SMG6: variants seen among roughly 807,000 people sequenced by gnomAD.
SMG6 encodes the protein SMG6 nonsense mediated mRNA decay factor, also known as telomerase-binding protein EST1A.
In SMG6, 66 loss-of-function variants were observed where a neutral mutation model predicts 142.2. The ratio of observed to expected loss-of-function variants is 0.46; its 90% CI spans 0.38 to 0.57. SMG6 has a LOEUF of 0.57. SMG6 is among the 20% of genes least tolerant of loss of function. SMG6 has a pLI of 0.00. For missense variants in SMG6, 1,793 were observed against 1,832.0 expected, an observed-to-expected ratio of 0.98 and a Z score of 0.39; for synonymous variants, 779 against 702.4, an observed-to-expected ratio of 1.11 and a Z score of -1.72.
At chr17:2,277,169 TTTA>T (rs1396329358) in intron 8 of SMG6, among the ~76,000 whole-genome samples, 5,186 of 52,918 alleles carry the variant, frequency 0.098, 275 homozygotes, top group Admixed American at 0.16. Flanking sequence ...TTATTTATTT[TTTA>T]TTTTTTTTTT....
intron 14 of SMG6, among the ~76,000 whole-genome samples, chr17:2,083,839 A>G (rs909323918): frequency 8.5e-5 from 13 of 152,204 alleles, no homozygotes; most frequent in Admixed American, 8.5e-4. Flanking sequence ...CTCTCACAGT[A>G]AACGAGGAAG....
In SMG6 at chr17:2,061,374, T is replaced by G; in HGVS notation, c.*118A>C. ...GGCCGTGGCGTGGGTTGGAAGAGGA[T>G]GGTTTATTGTCTGGGTGGATTGGTG... On this transcript the variant is annotated 3_prime_UTR_variant, in exon 19 of 19. Coordinates refer to ENST00000263073, the MANE Select transcript of SMG6 (RefSeq NM_017575.5). 17 of 972,082 alleles carry G rather than the reference T, an allele frequency of 1.7e-5. No homozygotes were observed. The highest frequency in any genetic ancestry group is 2.8e-5 in the East Asian group (1 of 36,154). 60.2% of individuals were successfully genotyped at this position (972,082 alleles called of 1,614,324 possible).
chr17:2,065,259 C>G (rs999724326), intron 17 of SMG6, 105 bp from the exon 18 acceptor site: 1 of 1,065,084 alleles, frequency 9.4e-7, no homozygotes, highest in Non-Finnish European at 1.4e-6. Context: ...GGCCACCTCC[C>G]CGATCCCTCC....
In SMG6 at chr17:2,130,266, C is replaced by CAAAAAAAAA. The variant is rs903007543; in HGVS notation, c.3357+42383_3357+42391dup. 2.8e-3 allele frequency among the ~76,000 whole-genome samples: 112 copies of CAAAAAAAAA among 39,458 alleles called. 23 individuals carry two copies. Among genetic ancestry groups the CAAAAAAAAA allele is most frequent in the African/African-American group, 8.9e-3 (57 of 6,378 alleles). The allele number at this position is 39,458 out of a possible 152,430, so 25.9% of individuals were successfully genotyped here. A position where few individuals can be genotyped will look rare whatever the true frequency, so the allele number is the denominator to read the frequency against. ...TGGGCGACAGAGCGAGACTCCGTCTCAAAAAAAAAAAAAAAAAAGAAACAG... is the reference window on the plus strand; with the variant it reads ...TGGGCGACAGAGCGAGACTCCGTCTCAAAAAAAAAAAAAAAAAAAAAAAAAAAGAAACAG... On this transcript the variant is annotated intron_variant, in intron 13 of 18. Coordinates refer to ENST00000263073, the MANE Select transcript of SMG6 (RefSeq NM_017575.5).
At chr17:2,119,614 C>T (rs1183226088) in intron 13 of SMG6, among the ~76,000 whole-genome samples, 1 of 152,136 alleles carries the variant, frequency 6.6e-6, no homozygotes, top group Non-Finnish European at 1.5e-5. Flanking sequence ...ATTCTTGTGC[C>T]TCAGCCTCCT....
rs542179908 is a variant in SMG6, at chr17:2,140,124, G to C, written c.3357+32534C>G. On this transcript the variant is annotated intron_variant, in intron 13 of 18. Coordinates refer to ENST00000263073, the MANE Select transcript of SMG6 (RefSeq NM_017575.5). ...GTCACCCATGCTGGAGTGCAGTAGTGAGACCTCGGCTCACTGCAACCTCCG... is the reference window on the plus strand; with the variant it reads ...GTCACCCATGCTGGAGTGCAGTAGTCAGACCTCGGCTCACTGCAACCTCCG... Among the ~76,000 whole-genome samples, 173 of 152,024 alleles carry C rather than the reference G, an allele frequency of 1.1e-3. 2 individuals carry two copies. Among genetic ancestry groups the C allele is most frequent in the African/African-American group, 4.1e-3 (169 of 41,472 alleles).
At chr17:2,213,409 C>T (rs1310458650) in intron 10 of SMG6, among the ~76,000 whole-genome samples, 1 of 152,196 alleles carries the variant, frequency 6.6e-6, no homozygotes, top group Non-Finnish European at 1.5e-5. Flanking sequence ...TCCACCCGGC[C>T]TCTCAGCGCT....
chr17:2,278,631 T>C (rs2151374087), intron 8 of SMG6, among the ~76,000 whole-genome samples: 1 of 152,294 alleles, frequency 6.6e-6, no homozygotes, highest in Non-Finnish European at 1.5e-5. Context: ...CGAGTGATCA[T>C]TATAGAAATC....
intron 12 of SMG6, among the ~76,000 whole-genome samples, chr17:2,177,916 T>C (rs1431524417): frequency 6.6e-6 from 1 of 152,206 alleles, no homozygotes; most frequent in Non-Finnish European, 1.5e-5. Flanking sequence ...CTGTGGGCCA[T>C]TATATCCTAG....
intron 13 of SMG6, among the ~76,000 whole-genome samples, chr17:2,108,169 A>G (rs1338022945): frequency 1.3e-5 from 2 of 152,208 alleles, no homozygotes; most frequent in East Asian, 3.8e-4. Context: ...ATTTGCATGA[A>G]TTACAGAAAA....
At chr17:2,273,186 A>G (rs1013946561) in intron 8 of SMG6, among the ~76,000 whole-genome samples, 1 of 152,200 alleles carries the variant, frequency 6.6e-6, no homozygotes, top group African/African-American at 2.4e-5. Flanking sequence ...TATATATTAA[A>G]TAAGGTGTCT....
intron 13 of SMG6, among the ~76,000 whole-genome samples, chr17:2,105,106 T>G (rs1597390648): frequency 7.0e-6 from 1 of 143,470 alleles, no homozygotes; most frequent in Non-Finnish European, 1.5e-5. Flanking sequence ...TTTTTTTTTT[T>G]TGTAGAGATG....
chr17:2,081,829 C>CGCT lies in SMG6; in HGVS notation c.3659_3661dup (p.Gln1220dup). The CGCT allele has an allele frequency of 6.2e-7, 1 of 1,613,720 alleles. No individual in the cohort carries two copies. ...CTTCACCTGGATCTTTTCCTGGCGACGCTGCTGCTCAGCTATCTTCCTGGC... is the reference window on the plus strand; with the variant it reads ...CTTCACCTGGATCTTTTCCTGGCGACGCTGCTGCTGCTCAGCTATCTTCCTGGC... On this transcript the variant is annotated inframe_insertion, in exon 15 of 19. Coordinates refer to ENST00000263073, the MANE Select transcript of SMG6 (RefSeq NM_017575.5).
intron 9 of SMG6, among the ~76,000 whole-genome samples, chr17:2,243,058 G>C (rs1272345783): frequency 6.6e-6 from 1 of 152,184 alleles, no homozygotes; most frequent in Non-Finnish European, 1.5e-5. Flanking sequence ...GGCAGGACGG[G>C]GGAGGTGGGA....
Position 2,150,416 on chromosome 17 carries a change from G to T in SMG6, c.3357+22242C>A, listed in dbSNP as rs536170385. Among the ~76,000 whole-genome samples the T allele has an allele frequency of 5.9e-5, 9 of 152,326 alleles. No homozygotes were observed. In the East Asian group the frequency reaches 1.7e-3, roughly 29 times the overall value. On this transcript the variant is annotated intron_variant, in intron 13 of 18. Coordinates refer to ENST00000263073, the MANE Select transcript of SMG6 (RefSeq NM_017575.5). ...AATACCAATGTGTTGAACAGATGCTGTTGGCACTGTCTACTGTGTTCATCA... is the reference window on the plus strand; with the variant it reads ...AATACCAATGTGTTGAACAGATGCTTTTGGCACTGTCTACTGTGTTCATCA...
intron 10 of SMG6, among the ~76,000 whole-genome samples, chr17:2,230,329 AAAAAAAAG>A (rs61495778): frequency 0.14 from 12,174 of 89,584 alleles, 2,423 homozygotes; most frequent in East Asian, 0.38. Flanking sequence ...AAAAAAAAAA[AAAAAAAAG>A]GGAAAACCAC....
At chr17:2,274,687 G>C (rs1236382920) in intron 8 of SMG6, among the ~76,000 whole-genome samples, 1 of 152,138 alleles carries the variant, frequency 6.6e-6, no homozygotes, top group Non-Finnish European at 1.5e-5. Flanking sequence ...ATATACAATG[G>C]CATTTCTCTT....
Position 2,080,857 on chromosome 17 carries a change from A to C in SMG6, c.3681+953T>G, listed in dbSNP as rs192271173. 9.2e-3 allele frequency among the ~76,000 whole-genome samples: 1,392 copies of C among 152,118 alleles called. 60 individuals carry two copies. The highest frequency in any genetic ancestry group is 0.071 in the Admixed American group (1,080 of 15,288). On this transcript the variant is annotated intron_variant, in intron 15 of 18. Coordinates refer to ENST00000263073, the MANE Select transcript of SMG6 (RefSeq NM_017575.5). Reference sequence around the variant, plus strand: ...TCACCATGTTAGCCAGGATGGTCTCAATCTCCTGACCTCATGATCCGCCCG... The same window carrying C: ...TCACCATGTTAGCCAGGATGGTCTCCATCTCCTGACCTCATGATCCGCCCG...
intron 13 of SMG6, among the ~76,000 whole-genome samples, chr17:2,129,723 G>A (rs2070037808): frequency 6.9e-6 from 1 of 144,530 alleles, no homozygotes; most frequent in Non-Finnish European, 1.5e-5. Flanking sequence ...GAACCCAGGA[G>A]GTGGAGGTTG....
Sources: allele counts gnomAD v4.1 joint callset (sites outside exome capture counted in the v4.1 genomes callset), GRCh38; gene constraint gnomAD v4.1.1; transcripts MANE v1.5; gene names NCBI Gene and HGNC (gene_info 2026-07-23, HGNC 2026-07-21).